The following CCDC82 variants were observed in gnomAD, a reference collection of about 807,000 sequenced individuals.
The protein encoded by CCDC82 is coiled-coil domain-containing protein 82.
Under a neutral mutation model 60.6 loss-of-function variants are expected in CCDC82, and 47 were observed. The ratio of observed to expected loss-of-function variants is 0.77; its 90% confidence interval spans 0.61 to 0.99. The LOEUF (loss-of-function observed/expected upper bound fraction) is 0.99. Ranked by LOEUF, CCDC82 falls within the 50% of genes least tolerant of loss-of-function variation. The pLI is 0.00. For missense variants in CCDC82, 588 were observed against 633.0 expected, an observed-to-expected ratio of 0.93 and a Z score of 0.76; for synonymous variants, 212 against 207.4, an observed-to-expected ratio of 1.02 and a Z score of -0.19.
At chr11:96,357,137 G>C (rs1864388516) in intron 9 of CCDC82, 2 of 985,366 alleles carry the variant, frequency 2.0e-6, no homozygotes, top group Non-Finnish European at 2.4e-6. Flanking sequence ...GGGACAGACA[G>C]AGTGAGGATG....
chr11:96,369,518 A>G (rs560357624), intron 7 of CCDC82, among the ~76,000 whole-genome samples: 17 of 152,264 alleles, frequency 1.1e-4, no homozygotes, highest in African/African-American at 3.9e-4. Flanking sequence ...GCCTGAGGAG[A>G]GGAAGAGAGA....
At chr11:96,356,444 G>C (rs2136053289) in intron 9 of CCDC82, 1 of 985,314 alleles carries the variant, frequency 1.0e-6, no homozygotes, top group African/African-American at 1.7e-5. Context: ...ATGGGCATCT[G>C]ATACTTCTAT....
intron 7 of CCDC82, among the ~76,000 whole-genome samples, chr11:96,365,536 A>AG (rs1408922845): frequency 6.6e-6 from 1 of 152,220 alleles, no homozygotes; most frequent in Non-Finnish European, 1.5e-5. Context: ...TTAAAACTTG[A>AG]GAAAAAAAAT....
At chr11:96,355,472 T>C (rs1030439417) in intron 9 of CCDC82, 2 of 152,222 alleles carry the variant, frequency 1.3e-5, no homozygotes, top group African/African-American at 4.8e-5. Flanking sequence ...CTATACTAAA[T>C]GCTTAAAACG....
chr11:96,377,672 A>G (rs1865660830), intron 5 of CCDC82, among the ~76,000 whole-genome samples: 2 of 152,216 alleles, frequency 1.3e-5, no homozygotes, highest in South Asian at 4.1e-4. Flanking sequence ...CTCTATTGAT[A>G]TATTAATGTG....
chr11:96,358,181 T>C (rs1226807504), intron 9 of CCDC82: 1 of 993,108 alleles, frequency 1.0e-6, no homozygotes, highest in Non-Finnish European at 1.2e-6. Flanking sequence ...GCTTTTTTCT[T>C]TTCTTTAAAA....
chr11:96,383,950 A>C lies in CCDC82; in HGVS notation c.786+12T>G. On this transcript the variant is annotated intron_variant, in intron 4 of 9. Coordinates refer to ENST00000646818, the MANE Select transcript of CCDC82 (RefSeq NM_024725.4). The stretch of plus-strand genomic sequence containing the variant: ...TGAAAAACAATAACAAATCCAACAA[A>C]ATATAACACACCTCAAAATCTCTAC... 6.3e-7 allele frequency: 1 copy of C among 1,580,268 alleles called. No individual in the cohort carries two copies.
At position 96,370,980 on chromosome 11, in the gene CCDC82, C is replaced by T. The variant is rs375904117; in HGVS notation, c.1209+33G>A. 5.5e-6 allele frequency: 8 copies of T among 1,466,924 alleles called. No homozygotes were observed. In the African/African-American group the frequency reaches 1.0e-4, roughly 19 times the overall value. 90.9% of individuals were successfully genotyped at this position (1,466,924 alleles called of 1,614,324 possible). ...TCCTGAGAGGTTTGCTGCCCCCAAC[C>T]CCCAAGCAGAGATTCAAAAACAAAC... On this transcript the variant is annotated intron_variant, in intron 7 of 9. Transcript: ENST00000646818.
intron 7 of CCDC82, among the ~76,000 whole-genome samples, chr11:96,369,521 A>G (rs1429794265): frequency 6.6e-6 from 1 of 152,184 alleles, no homozygotes; most frequent in Non-Finnish European, 1.5e-5. Flanking sequence ...TGAGGAGAGG[A>G]AGAGAGATGG....
intron 8 of CCDC82, among the ~76,000 whole-genome samples, chr11:96,361,212 G>C (rs1864644796): frequency 6.6e-6 from 1 of 152,114 alleles, no homozygotes; most frequent in Non-Finnish European, 1.5e-5. Context: ...TGTTCTACAT[G>C]AAGTATAGGC....
intron 8 of CCDC82, among the ~76,000 whole-genome samples, chr11:96,361,308 T>C (rs1045100364): frequency 2.6e-5 from 4 of 152,222 alleles, no homozygotes; most frequent in East Asian, 3.8e-4. Flanking sequence ...CATTTTTAAG[T>C]TGAAACAAGA....
chr11:96,388,285 G>A (rs189089833), intron 1 of CCDC82: 16 of 152,292 alleles, frequency 1.1e-4, no homozygotes, highest in Admixed American at 1.0e-3. Context: ...CTACTCAAAA[G>A]AGAATCCATG....
chr11:96,385,509 A>AT, intron 3 of CCDC82: 1 of 152,508 alleles, frequency 6.6e-6, no homozygotes. Flanking sequence ...GACATAAAGA[A>AT]GACAGCAGTG....
intron 5 of CCDC82, chr11:96,381,873 A>T (rs796427710): frequency 6.6e-6 from 1 of 151,882 alleles, no homozygotes; most frequent in African/African-American, 2.4e-5. Context: ...ATGTAAAAGC[A>T]GTGATGGGTA....
At chr11:96,379,968 T>C (rs1865781790) in intron 5 of CCDC82, among the ~76,000 whole-genome samples, 2 of 151,672 alleles carry the variant, frequency 1.3e-5, no homozygotes, top group Admixed American at 1.3e-4. Context: ...TGGTAAATAG[T>C]AATAGAGGAA....
intron 9 of CCDC82, 137 bp downstream of exon 9, chr11:96,358,856 C>A: frequency 2.3e-6 from 2 of 881,322 alleles, no homozygotes; most frequent in East Asian, 2.7e-5. Context: ...AAGGAATGAG[C>A]GGAAGAAGAG....
In CCDC82 at chr11:96,371,116, TATG is replaced by T; in HGVS notation, c.1103_1105del (p.Ser368del). On this transcript the variant is annotated inframe_deletion, in exon 7 of 10. Transcript: ENST00000646818. The stretch of plus-strand genomic sequence containing the variant: ...AAGAGATGTTAGCATATCTTTTGCA[TATG>T]ATTTTTGCCTTGTGCCATCTGTTCA... 1.3e-6 allele frequency: 2 copies of T among 1,596,256 alleles called. No homozygotes were observed. Among genetic ancestry groups the T allele is most frequent in the Non-Finnish European group, 1.7e-6 (2 of 1,171,862 alleles).
intron 7 of CCDC82, among the ~76,000 whole-genome samples, chr11:96,367,605 G>C (rs1253555353): frequency 1.3e-5 from 2 of 152,020 alleles, no homozygotes; most frequent in Non-Finnish European, 2.9e-5. Context: ...CCTCCACTGA[G>C]GTCTTGAACC....
At chr11:96,383,117 C>T in intron 5 of CCDC82, 152 bp downstream of exon 5, 1 of 605,264 alleles carries the variant, frequency 1.7e-6, no homozygotes. Context: ...CCTGAGACCA[C>T]TGGAATAAAC....
Sources: allele counts gnomAD v4.1 joint callset (sites outside exome capture counted in the v4.1 genomes callset), GRCh38; gene constraint gnomAD v4.1.1; transcripts MANE v1.5; gene names NCBI Gene and HGNC (gene_info 2026-07-23, HGNC 2026-07-21).